The following VIT variants were observed in gnomAD, a reference collection of about 807,000 sequenced individuals.
VIT encodes vitrin.
A neutral mutation model predicts 78.0 loss-of-function variants in VIT; 99 were observed. The observed-to-expected ratio is 1.27, with a 90% confidence interval of 1.08 to 1.50. The LOEUF (loss-of-function observed/expected upper bound fraction) is 1.50. Ranked by LOEUF, VIT falls within the 40% of genes most tolerant of loss-of-function variation. The pLI, the probability that VIT is intolerant of heterozygous loss-of-function variation, is 0.00. For synonymous variants in VIT, 374 were observed against 334.3 expected (o/e 1.12, Z -1.29); for missense variants, 1,126 against 875.3 (o/e 1.29, Z -3.61).
rs1573147628 is a variant in VIT at position 36,721,402 on chromosome 2, C to A, written c.52+4980C>A. On this transcript the variant is annotated intron_variant, in intron 2 of 15. Coordinates refer to ENST00000379242, the MANE Select transcript of VIT (RefSeq NM_053276.4). ...CCCTGCCATCTCTCTCCTCTGCTCACATGTCTCCACCTCAGGGCCATTTGC... is the reference window on the plus strand; with the variant it reads ...CCCTGCCATCTCTCTCCTCTGCTCAAATGTCTCCACCTCAGGGCCATTTGC... Among the ~76,000 whole-genome samples, 3 of 152,270 alleles carry A rather than the reference C, an allele frequency of 2.0e-5. No homozygotes were observed. The South Asian group carries it at 6.2e-4, about 32-fold the overall frequency.
chr2:36,811,053 G>A (rs1055157109), intron 15 of VIT, among the ~76,000 whole-genome samples: 3 of 152,204 alleles, frequency 2.0e-5, no homozygotes, highest in Non-Finnish European at 4.4e-5. Context: ...AGAATCCAAA[G>A]TAGCCAGAGA....
chr2:36,792,686 A>G (rs748863450), intron 12 of VIT, among the ~76,000 whole-genome samples: 18 of 152,072 alleles, frequency 1.2e-4, no homozygotes, highest in Non-Finnish European at 2.2e-4. Context: ...TCCCCAGCTG[A>G]TTCTGTGGTG....
intron 3 of VIT, among the ~76,000 whole-genome samples, chr2:36,741,820 C>T (rs546410078): frequency 4.6e-5 from 7 of 152,298 alleles, no homozygotes; most frequent in Admixed American, 3.9e-4. Flanking sequence ...CCTGGGGCAG[C>T]TCAGTCCTTC....
intron 2 of VIT, among the ~76,000 whole-genome samples, chr2:36,723,817 G>T (rs1208475813): frequency 6.6e-6 from 1 of 152,036 alleles, no homozygotes; most frequent in Non-Finnish European, 1.5e-5. Flanking sequence ...CAGGCACGGT[G>T]GCACACGTCT....
At chr2:36,720,130 T>C (rs56897195) in intron 2 of VIT, among the ~76,000 whole-genome samples, 5,495 of 152,094 alleles carry the variant, frequency 0.036, 329 homozygotes, top group East Asian at 0.26. Context: ...TCACAGAAAT[T>C]TGGAAAAAAA....
chr2:36,773,970 A>G (rs1669909289), intron 8 of VIT, 123 bp downstream of exon 8: 9 of 966,986 alleles, frequency 9.3e-6, no homozygotes, highest in Non-Finnish European at 1.3e-5. Flanking sequence ...ACTTAGGCCA[A>G]CAGAAGATGC....
intron 1 of VIT, among the ~76,000 whole-genome samples, chr2:36,701,405 A>G (rs1326464114): frequency 6.6e-6 from 1 of 152,192 alleles, no homozygotes; most frequent in Non-Finnish European, 1.5e-5. Context: ...AGAAAGAATC[A>G]TGCTTCCTTA....
In VIT at chr2:36,759,311, T is replaced by G. The variant is rs1668967433; in HGVS notation, c.487+265T>G. Reference sequence around the variant, plus strand: ...ATTTTCATTCAGATTGACTGTTGCCTTGAGTTTTAATGTATTGTTGCTTTA... The same window carrying G: ...ATTTTCATTCAGATTGACTGTTGCCGTGAGTTTTAATGTATTGTTGCTTTA... On this transcript the variant is annotated intron_variant, in intron 6 of 15. Coordinates refer to ENST00000379242, the MANE Select transcript of VIT (RefSeq NM_053276.4). The G allele has an allele frequency of 9.0e-6, 13 of 1,444,250 alleles. 1 individual carries two copies. The South Asian group carries it at 1.9e-4, about 21-fold the overall frequency. The allele number at this position is 1,444,250 out of a possible 1,614,324, so 89.5% of individuals were successfully genotyped here. A position where few individuals can be genotyped will look rare whatever the true frequency, so the allele number is the denominator to read the frequency against.
rs927300913 is a variant in VIT at position 36,814,517 on chromosome 2, T to C, written c.*156T>C. The C allele has an allele frequency of 7.1e-6, 7 of 985,718 alleles. No individual in the cohort carries two copies. Among genetic ancestry groups the C allele is most frequent in the Non-Finnish European group, 1.0e-5 (7 of 698,326 alleles). The allele number at this position is 985,718 out of a possible 1,614,324, so 61.1% of individuals were successfully genotyped here. ...TATTCTTTGCCATCATGCTTTTTCA[T>C]ATTCCAAAACTTGGAGTTACAAAGA... On this transcript the variant is annotated 3_prime_UTR_variant, in exon 16 of 16. Coordinates refer to ENST00000379242, the MANE Select transcript of VIT (RefSeq NM_053276.4).
At chr2:36,796,304 C>T (rs1467417527) in intron 12 of VIT, among the ~76,000 whole-genome samples, 1 of 152,124 alleles carries the variant, frequency 6.6e-6, no homozygotes, top group Non-Finnish European at 1.5e-5. Context: ...AAGAAAAACA[C>T]ATGTAAAACA....
chr2:36,719,857 C>T lies in VIT; in HGVS notation c.52+3435C>T, dbSNP rs145008831. On this transcript the variant is annotated intron_variant, in intron 2 of 15. Transcript: ENST00000379242. ...TGGGGAGTCTGAGGTGGGAAGATCA[C>T]CTGAGCTCAGGGAGATTGAGGCTAT... is the stretch of plus-strand genomic sequence containing the variant. Among the ~76,000 whole-genome samples the T allele has an allele frequency of 3.3e-3, 508 of 152,188 alleles. 4 individuals carry two copies. In the Middle Eastern group the frequency reaches 0.034, roughly 10 times the overall value.
chr2:36,798,750 C>T (rs1666095486), intron 12 of VIT, among the ~76,000 whole-genome samples: 1 of 152,112 alleles, frequency 6.6e-6, no homozygotes, highest in African/African-American at 2.4e-5. Flanking sequence ...CAGAGCAAGA[C>T]TCCATCTCGA....
At chr2:36,699,214 G>T (rs1423840169) in intron 1 of VIT, among the ~76,000 whole-genome samples, 1 of 151,906 alleles carries the variant, frequency 6.6e-6, no homozygotes, top group Non-Finnish European at 1.5e-5. Context: ...CACTGGAGAG[G>T]TTACTCAATG....
Position 36,708,119 on chromosome 2 carries a change from C to CT in VIT, c.-18-8234_-18-8233insT, listed in dbSNP as rs952469819. 4.7e-5 allele frequency among the ~76,000 whole-genome samples: 7 copies of CT among 149,548 alleles called. No homozygotes were observed. In the South Asian group the frequency reaches 1.3e-3, roughly 27 times the overall value. On this transcript the variant is annotated intron_variant, in intron 1 of 15. Transcript: ENST00000379242. Reference sequence around the variant, plus strand: ...CACATTGTAAAGGACCTCCCCCCCCCGCCCACCTAGTGCCAGCTTCCTTTT... The same window carrying CT: ...CACATTGTAAAGGACCTCCCCCCCCCTGCCCACCTAGTGCCAGCTTCCTTTT...
chr2:36,779,865 C>T (rs930643374), intron 9 of VIT, among the ~76,000 whole-genome samples: 7 of 152,186 alleles, frequency 4.6e-5, no homozygotes, highest in African/African-American at 1.7e-4. Flanking sequence ...TCCTTCAAGT[C>T]TCCTCCATGT....
At chr2:36,770,119 A>G (rs1210188987) in intron 7 of VIT, among the ~76,000 whole-genome samples, 1 of 152,224 alleles carries the variant, frequency 6.6e-6, no homozygotes, top group Non-Finnish European at 1.5e-5. Context: ...CAGGGTGTTC[A>G]AGCAAAACCT....
chr2:36,759,170 A>T, intron 6 of VIT, 124 bp downstream of exon 6: 3 of 1,592,646 alleles, frequency 1.9e-6, no homozygotes, highest in Non-Finnish European at 2.6e-6. Flanking sequence ...GCAATATTTT[A>T]ACAGATGCCA....
At chr2:36,772,615 G>A (rs1669830251) in intron 7 of VIT, among the ~76,000 whole-genome samples, 1 of 152,194 alleles carries the variant, frequency 6.6e-6, no homozygotes. Flanking sequence ...GCTGAGGCAG[G>A]AGGATCACTT....
chr2:36,760,566 G>T lies in VIT; in HGVS notation c.487+1520G>T, dbSNP rs570415660. ...TATCGCTTGTCCTCTTTTGACCTGG[G>T]CACAGAGACGAAGAATGGGTGACAG... On this transcript the variant is annotated intron_variant, in intron 6 of 15. Transcript: ENST00000379242. Among the ~76,000 whole-genome samples the T allele has an allele frequency of 7.9e-5, 12 of 152,250 alleles. No individual in the cohort carries two copies. In the South Asian group the frequency reaches 8.3e-4, roughly 11 times the overall value.
Sources: allele counts gnomAD v4.1 joint callset (sites outside exome capture counted in the v4.1 genomes callset), GRCh38; gene constraint gnomAD v4.1.1; transcripts MANE v1.5; gene names NCBI Gene and HGNC (gene_info 2026-07-23, HGNC 2026-07-21).